Variants in FAM193A observed in about 807,000 individuals in gnomAD.
FAM193A encodes family with sequence similarity 193 member A.
In FAM193A, 22 loss-of-function variants were observed where a neutral mutation model predicts 126.5. The observed-to-expected ratio is 0.17, with a 90% CI of 0.12 to 0.25. The LOEUF is 0.25. Among genes scored for constraint, FAM193A ranks in the 10% least tolerant of loss-of-function variants. The pLI, the probability that FAM193A is intolerant of heterozygous loss-of-function variation, is 1.00. For missense variants in FAM193A, 1,675 were observed against 1,672.8 expected (o/e 1.00, Z -0.02); for synonymous variants, 761 against 646.8 (o/e 1.18, Z -2.68).
intron 15 of FAM193A, among the ~76,000 whole-genome samples, chr4:2,693,269 C>T (rs896296337): frequency 1.3e-5 from 2 of 152,114 alleles, no homozygotes; most frequent in Non-Finnish European, 2.9e-5. Context: ...CCACCAGCCT[C>T]GGCCTCCCAA....
At chr4:2,552,887 G>T (rs112499557) in intron 1 of FAM193A, among the ~76,000 whole-genome samples, 5 of 126,902 alleles carry the variant, frequency 3.9e-5, no homozygotes, top group Admixed American at 2.8e-4. Context: ...TTGTTCCATC[G>T]TCCAGGCTGG....
At chr4:2,714,043 T>C (rs990423948) in intron 19 of FAM193A, among the ~76,000 whole-genome samples, 2 of 152,216 alleles carry the variant, frequency 1.3e-5, no homozygotes, top group African/African-American at 4.8e-5. Context: ...ATTAGAAATC[T>C]ATTATGACAG....
intron 20 of FAM193A, among the ~76,000 whole-genome samples, chr4:2,720,662 A>G (rs947018497): frequency 1.3e-5 from 2 of 152,038 alleles, no homozygotes; most frequent in African/African-American, 2.4e-5. Flanking sequence ...AAAAAAAAAA[A>G]AACAGTTATT....
At chr4:2,680,803 G>T (rs1031117197) in intron 13 of FAM193A, among the ~76,000 whole-genome samples, 1 of 151,626 alleles carries the variant, frequency 6.6e-6, no homozygotes, top group African/African-American at 2.4e-5. Flanking sequence ...CACCATGCCC[G>T]GCTAATTTTT....
rs1577206304 is a variant in FAM193A at position 2,687,329 on chromosome 4, T to A, written c.2332-2177T>A. Among the ~76,000 whole-genome samples, 3 of 152,324 alleles carry A rather than the reference T, an allele frequency of 2.0e-5. 1 individual carries two copies. In the South Asian group the frequency reaches 6.2e-4, roughly 32 times the overall value. On this transcript the variant is annotated intron_variant, in intron 13 of 20. Coordinates refer to ENST00000637812, the MANE Select transcript of FAM193A (RefSeq NM_001366318.2). ...GCAGTGCACCATCACACTCACTGAA[T>A]ACTTACTATGGGCCAGGCAGTGTGC...
At chr4:2,671,998 G>T (rs1259923500) in intron 12 of FAM193A, 123 bp from the exon 13 acceptor site, 6 of 986,194 alleles carry the variant, frequency 6.1e-6, no homozygotes, top group African/African-American at 4.8e-5. Context: ...TCAACTCAGG[G>T]TGTCAGGAAA....
intron 2 of FAM193A, among the ~76,000 whole-genome samples, chr4:2,601,925 A>G (rs1577061322): frequency 6.6e-6 from 1 of 151,620 alleles, no homozygotes; most frequent in African/African-American, 2.4e-5. Flanking sequence ...TGTAACCTCC[A>G]CCTCCCAGGT....
rs2108850218 is a variant in FAM193A at position 2,566,672 on chromosome 4, AGT to A, written c.256-29410_256-29409del. Reference sequence around the variant, plus strand: ...CACTGCATTCCAGCCTGGGGGACAGAGTGAGACTCTGTCTCAAAAAAAGAAAA... The same window carrying A: ...CACTGCATTCCAGCCTGGGGGACAGAGAGACTCTGTCTCAAAAAAAGAAAA... On this transcript the variant is annotated intron_variant, in intron 1 of 20. Transcript: ENST00000637812. Among the ~76,000 whole-genome samples the A allele has an allele frequency of 2.6e-5, 4 of 152,178 alleles. 1 individual carries two copies. In the East Asian group the frequency reaches 7.8e-4, roughly 30 times the overall value.
At chr4:2,594,660 G>T (rs1231843257) in intron 1 of FAM193A, among the ~76,000 whole-genome samples, 1 of 152,044 alleles carries the variant, frequency 6.6e-6, no homozygotes, top group African/African-American at 2.4e-5. Context: ...TCCTCCTAAG[G>T]TGCAGAGGCA....
intron 18 of FAM193A, among the ~76,000 whole-genome samples, chr4:2,698,088 A>G (rs1717246533): frequency 6.6e-6 from 1 of 152,118 alleles, no homozygotes; most frequent in Non-Finnish European, 1.5e-5. Context: ...CGCTGCACCC[A>G]TTTTACAGAG....
chr4:2,664,386 A>G (rs1326007953), intron 12 of FAM193A, among the ~76,000 whole-genome samples: 1 of 152,096 alleles, frequency 6.6e-6, no homozygotes, highest in Non-Finnish European at 1.5e-5. Flanking sequence ...TTGAAAATCA[A>G]TGGACTGTAA....
chr4:2,593,602 C>T (rs186078412), intron 1 of FAM193A, among the ~76,000 whole-genome samples: 45 of 152,152 alleles, frequency 3.0e-4, no homozygotes, highest in African/African-American at 1.1e-3. Context: ...TGGACCAGTC[C>T]CTGAGCATGT....
intron 19 of FAM193A, among the ~76,000 whole-genome samples, chr4:2,705,171 A>G (rs1280796866): frequency 2.0e-5 from 3 of 152,188 alleles, no homozygotes; most frequent in Non-Finnish European, 4.4e-5. Flanking sequence ...TGGCCTCCCA[A>G]AGTGCTGGGA....
At chr4:2,667,217 T>C (rs1009272183) in intron 12 of FAM193A, among the ~76,000 whole-genome samples, 2 of 152,240 alleles carry the variant, frequency 1.3e-5, no homozygotes, top group Admixed American at 6.5e-5. Context: ...TGTATTGTCT[T>C]GGTCTATCCA....
intron 5 of FAM193A, among the ~76,000 whole-genome samples, chr4:2,636,871 A>G (rs745401536): frequency 1.2e-4 from 18 of 152,110 alleles, no homozygotes; most frequent in African/African-American, 2.2e-4. Flanking sequence ...CCCCCATTCT[A>G]CTTGTTTTTG....
At chr4:2,642,220 C>T (rs900669090) in intron 6 of FAM193A, among the ~76,000 whole-genome samples, 7 of 151,780 alleles carry the variant, frequency 4.6e-5, no homozygotes, top group Admixed American at 2.0e-4. Context: ...AGGAGAATGG[C>T]GTGAACCTGG....
chr4:2,642,960 T>C (rs935600771), intron 6 of FAM193A, among the ~76,000 whole-genome samples: 3 of 152,050 alleles, frequency 2.0e-5, no homozygotes, highest in Non-Finnish European at 2.9e-5. Flanking sequence ...TCTTTTTCTG[T>C]GCCCTAGTTC....
At chr4:2,616,092 G>A (rs1005624172) in intron 2 of FAM193A, among the ~76,000 whole-genome samples, 1 of 152,154 alleles carries the variant, frequency 6.6e-6, no homozygotes, top group East Asian at 1.9e-4. Context: ...GAGCCACCGC[G>A]CCCGGCCGAA....
intron 19 of FAM193A, among the ~76,000 whole-genome samples, chr4:2,708,516 G>GC (rs1358886456): frequency 4.6e-5 from 7 of 151,610 alleles, no homozygotes; most frequent in African/African-American, 1.7e-4. Flanking sequence ...AGGCTGGAGT[G>GC]CAGTGGCGCG....
Sources: gnomAD v4.1 joint callset for allele counts (sites outside exome capture counted in the v4.1 genomes callset) on GRCh38, gnomAD v4.1.1 for gene constraint, MANE v1.5 for transcripts, NCBI Gene and HGNC (gene_info 2026-07-23, HGNC 2026-07-21) for gene names.